Variants in ZMYM2 observed in about 807,000 individuals in gnomAD.
ZMYM2 encodes zinc finger MYM-type containing 2, also known as zinc finger MYM-type protein 2.
Under a neutral mutation model 162.8 loss-of-function variants are expected in ZMYM2, and 56 were observed. That is an observed-to-expected ratio of 0.34 (90% CI 0.28 to 0.43). The LOEUF (loss-of-function observed/expected upper bound fraction) is 0.43. Ranked by LOEUF, ZMYM2 falls within the 20% of genes least tolerant of loss-of-function variation. ZMYM2 has a pLI of 1.00. For synonymous variants in ZMYM2, 510 were observed against 541.6 expected (o/e 0.94, Z 0.81); for missense variants, 1,275 against 1,621.8 (o/e 0.79, Z 3.67).
At chr13:20,085,536 T>C (rs1351219418) in intron 24 of ZMYM2, among the ~76,000 whole-genome samples, 1 of 152,238 alleles carries the variant, frequency 6.6e-6, no homozygotes, top group Non-Finnish European at 1.5e-5. Flanking sequence ...CTTGAAATCA[T>C]AATTGGCAGT....
Position 20,026,707 on chromosome 13 carries a change from A to G in ZMYM2, c.1680A>G (p.Pro560=), listed in dbSNP as rs761615276. ...TAGGTCCTAATGGATATATGGAGCC[A>G]TATTGTTCAACTGCTTGTATGAACA... ...QCIGPNGYME[P]YCSTACMNSH... is the part of the protein sequence containing the mutation. Residue 560 remains proline, a synonymous_variant, in exon 8 of 25, where the codon CCA becomes CCG. Transcript: ENST00000610343. The G allele has an allele frequency of 6.2e-7, 1 of 1,606,770 alleles. No homozygotes were observed.
At chr13:20,026,374 T>C (rs985648536) in intron 7 of ZMYM2, 3 of 352,552 alleles carry the variant, frequency 8.5e-6, no homozygotes, top group Non-Finnish European at 5.1e-6. Context: ...CTAAATATAA[T>C]AGAGAGAAAA....
At chr13:19,889,892 T>C in the ZMYM2 span, among the ~76,000 whole-genome samples, 1 of 151,870 alleles carries the variant, frequency 6.6e-6, no homozygotes, top group Non-Finnish European at 1.5e-5. Context: ...GTCATTGTCA[T>C]TAAGTTTCTG....
chr13:19,874,242 C>G, the ZMYM2 span, among the ~76,000 whole-genome samples: 2 of 152,066 alleles, frequency 1.3e-5, no homozygotes, highest in African/African-American at 4.8e-5. Flanking sequence ...CTTTTTGAGA[C>G]AGAGTCTTGC....
At chr13:20,077,891 G>A (rs1052490788) in intron 21 of ZMYM2, among the ~76,000 whole-genome samples, 2 of 147,116 alleles carry the variant, frequency 1.4e-5, no homozygotes, top group African/African-American at 5.0e-5. Flanking sequence ...CACCCAGGCT[G>A]GAGTGCAGTG....
At chr13:20,004,582 T>TAC (rs747762756) in intron 4 of ZMYM2, among the ~76,000 whole-genome samples, 2 of 152,218 alleles carry the variant, frequency 1.3e-5, no homozygotes, top group Non-Finnish European at 2.9e-5. Context: ...TATTTCTATT[T>TAC]ACTGTTGGAG....
chr13:19,994,280 A>G (rs933037031), intron 3 of ZMYM2, among the ~76,000 whole-genome samples: 1 of 152,250 alleles, frequency 6.6e-6, no homozygotes, highest in East Asian at 1.9e-4. Context: ...CAGGAGTTCG[A>G]GACCAGTCTA....
the ZMYM2 span, among the ~76,000 whole-genome samples, chr13:19,886,584 G>A: frequency 1.2e-3 from 185 of 151,896 alleles, 2 homozygotes; most frequent in Admixed American, 3.0e-3. Flanking sequence ...TGTTTTTCAC[G>A]ATTTATTGAA....
the ZMYM2 span, among the ~76,000 whole-genome samples, chr13:19,870,514 CCT>C: frequency 2.2e-5 from 3 of 138,866 alleles, no homozygotes; most frequent in Non-Finnish European, 3.2e-5. Context: ...TCCCTCCCTC[CCT>C]CTTTCTCTCT....
intron 2 of ZMYM2, among the ~76,000 whole-genome samples, chr13:19,983,613 T>G (rs1290228710): frequency 2.6e-5 from 4 of 152,122 alleles, no homozygotes; most frequent in South Asian, 4.1e-4. Flanking sequence ...CCTATTTTAT[T>G]AGGAATTTTT....
At chr13:19,910,001 G>A in the ZMYM2 span, among the ~76,000 whole-genome samples, 1 of 151,454 alleles carries the variant, frequency 6.6e-6, no homozygotes, top group Non-Finnish European at 1.5e-5. Context: ...GGATCACGAG[G>A]TCAGGAGATC....
chr13:20,075,617 A>T (rs1289040388), intron 21 of ZMYM2, among the ~76,000 whole-genome samples: 1 of 149,490 alleles, frequency 6.7e-6, no homozygotes, highest in Non-Finnish European at 1.5e-5. Context: ...TGTTTTACAT[A>T]TGTGAACACA....
intron 7 of ZMYM2, chr13:20,026,039 T>C (rs564590043): frequency 1.3e-5 from 2 of 152,302 alleles, no homozygotes; most frequent in African/African-American, 4.8e-5. Flanking sequence ...TCATTTTGAA[T>C]GTGGTTTAAA....
intron 7 of ZMYM2, chr13:20,024,438 G>T (rs1952395968): frequency 4.7e-6 from 1 of 213,630 alleles, no homozygotes; most frequent in African/African-American, 2.3e-5. Context: ...ATTAGATGGT[G>T]GAACTTAATT....
chr13:19,885,420 C>T, the ZMYM2 span, among the ~76,000 whole-genome samples: 1 of 152,122 alleles, frequency 6.6e-6, no homozygotes, highest in Non-Finnish European at 1.5e-5. Flanking sequence ...AAGATTGGTT[C>T]TAGTGTGCAT....
chr13:20,012,262 G>A (rs1156684681), intron 6 of ZMYM2, among the ~76,000 whole-genome samples: 1 of 151,962 alleles, frequency 6.6e-6, no homozygotes, highest in Non-Finnish European at 1.5e-5. Context: ...TGCAGCCTCC[G>A]CCTCCTGGGT....
the ZMYM2 span, among the ~76,000 whole-genome samples, chr13:19,877,983 TA>T: frequency 6.6e-6 from 1 of 152,202 alleles, no homozygotes; most frequent in Non-Finnish European, 1.5e-5. Flanking sequence ...TGTACCATTT[TA>T]CATTCCCACC....
the ZMYM2 span, among the ~76,000 whole-genome samples, chr13:19,949,293 A>G: frequency 6.6e-6 from 1 of 152,096 alleles, no homozygotes; most frequent in African/African-American, 2.4e-5. Context: ...CTGTAATCCT[A>G]GCTATTCCGG....
chr13:20,074,575 G>C (rs1161052071), intron 21 of ZMYM2, among the ~76,000 whole-genome samples: 2 of 139,818 alleles, frequency 1.4e-5, no homozygotes, highest in Non-Finnish European at 3.1e-5. Context: ...GTCTTACTCT[G>C]TCGCCCAGGC....
Sources: allele counts gnomAD v4.1 joint callset (sites outside exome capture counted in the v4.1 genomes callset), GRCh38; gene constraint gnomAD v4.1.1; transcripts MANE v1.5; gene names NCBI Gene and HGNC (gene_info 2026-07-23, HGNC 2026-07-21).